The following CSMD2 variants were observed in gnomAD, a reference collection of about 807,000 sequenced individuals.
CSMD2 encodes CUB and sushi domain-containing protein 2.
In CSMD2, 130 loss-of-function variants were observed where a neutral mutation model predicts 398.5. That is an observed-to-expected ratio of 0.33 (90% CI 0.28 to 0.38). The LOEUF (loss-of-function observed/expected upper bound fraction) is 0.38, where lower values mean the gene tolerates loss of function less well. Among genes scored for constraint, CSMD2 ranks in the 10% least tolerant of loss-of-function variants. The pLI is 1.00. For synonymous variants in CSMD2, 1,828 were observed against 1,908.5 expected, an observed-to-expected ratio of 0.96 and a Z score of 1.10; for missense variants, 3,829 against 4,764.9, an observed-to-expected ratio of 0.80 and a Z score of 5.78.
chr1:33,901,592 G>A (rs578135616), intron 5 of CSMD2, among the ~76,000 whole-genome samples: 4 of 152,206 alleles, frequency 2.6e-5, no homozygotes, highest in African/African-American at 9.6e-5. Context: ...TTTCAGGAGG[G>A]AGACCCTTGC....
At chr1:34,109,667 C>A (rs1252928636) in intron 1 of CSMD2, among the ~76,000 whole-genome samples, 1 of 151,240 alleles carries the variant, frequency 6.6e-6, no homozygotes, top group Non-Finnish European at 1.5e-5. Flanking sequence ...CTGTAAGGAA[C>A]TTAAACAAAT....
At chr1:33,898,768 C>G (rs1377370210) in intron 5 of CSMD2, among the ~76,000 whole-genome samples, 1 of 152,164 alleles carries the variant, frequency 6.6e-6, no homozygotes, top group African/African-American at 2.4e-5. Context: ...GGAAGCTTGG[C>G]AACTGTGAAG....
chr1:34,083,083 A>T (rs1301278837), intron 2 of CSMD2, among the ~76,000 whole-genome samples: 2 of 126,402 alleles, frequency 1.6e-5, no homozygotes, highest in Admixed American at 7.4e-5. Context: ...AAAAAAATTA[A>T]AAAAAAAAAA....
At chr1:33,632,266 T>C (rs1642507165) in intron 32 of CSMD2, among the ~76,000 whole-genome samples, 1 of 152,018 alleles carries the variant, frequency 6.6e-6, no homozygotes, top group African/African-American at 2.4e-5. Flanking sequence ...TAAGAAAACA[T>C]TGATAGATTT....
chr1:34,144,877 G>A (rs1639623854), intron 1 of CSMD2, among the ~76,000 whole-genome samples: 1 of 152,210 alleles, frequency 6.6e-6, no homozygotes, highest in Non-Finnish European at 1.5e-5. Context: ...AACAGAAACT[G>A]CATTTAACCG....
intron 5 of CSMD2, among the ~76,000 whole-genome samples, chr1:33,891,942 T>C (rs1351572052): frequency 6.7e-6 from 1 of 148,500 alleles, no homozygotes; most frequent in Non-Finnish European, 1.5e-5. Context: ...GAGATATACC[T>C]AATGCTAAAT....
intron 5 of CSMD2, among the ~76,000 whole-genome samples, chr1:33,898,271 C>G (rs954127645): frequency 6.6e-6 from 1 of 152,074 alleles, no homozygotes; most frequent in Non-Finnish European, 1.5e-5. Context: ...TGCCAGACTC[C>G]GAAGAGATAA....
chr1:34,158,958 T>C lies in CSMD2; in HGVS notation c.187+5953A>G, dbSNP rs894767020. On this transcript the variant is annotated intron_variant, in intron 1 of 70. Transcript: ENST00000373381. Reference sequence around the variant, plus strand: ...TTGTGCAGATGGGCCTGGGGCTGCCTCCTACTTGAAGATGCCCCTTAACCC... The same window carrying C: ...TTGTGCAGATGGGCCTGGGGCTGCCCCCTACTTGAAGATGCCCCTTAACCC... Among the ~76,000 whole-genome samples the C allele has an allele frequency of 2.6e-5, 4 of 152,298 alleles. No homozygotes were observed. In the South Asian group the frequency reaches 8.3e-4, roughly 32 times the overall value.
intron 3 of CSMD2, among the ~76,000 whole-genome samples, chr1:33,979,479 G>A (rs1646088540): frequency 6.6e-6 from 1 of 152,150 alleles, no homozygotes; most frequent in Non-Finnish European, 1.5e-5. Flanking sequence ...GTATCCAAGG[G>A]CACTACAGGC....
At chr1:34,155,306 C>T (rs913880949) in intron 1 of CSMD2, among the ~76,000 whole-genome samples, 4 of 152,304 alleles carry the variant, frequency 2.6e-5, no homozygotes, top group Admixed American at 2.0e-4. Flanking sequence ...TGTCTTCTTT[C>T]CATGTTCCTT....
At chr1:33,704,090 C>T (rs1222017622) in intron 22 of CSMD2, among the ~76,000 whole-genome samples, 1 of 152,042 alleles carries the variant, frequency 6.6e-6, no homozygotes, top group Non-Finnish European at 1.5e-5. Context: ...TAAGATCATG[C>T]ACATTTTGGA....
chr1:33,582,658 T>A (rs1294805902), intron 47 of CSMD2, among the ~76,000 whole-genome samples: 1 of 152,224 alleles, frequency 6.6e-6, no homozygotes, highest in Non-Finnish European at 1.5e-5. Context: ...ATACAGGATG[T>A]TAATTGATGC....
intron 7 of CSMD2, among the ~76,000 whole-genome samples, chr1:33,823,579 G>A (rs1432549108): frequency 3.3e-5 from 5 of 152,114 alleles, no homozygotes; most frequent in Non-Finnish European, 5.9e-5. Context: ...TCTACCCAAC[G>A]CAGGGAGTCA....
chr1:34,098,018 G>C, intron 1 of CSMD2, among the ~76,000 whole-genome samples: 1 of 97,838 alleles, frequency 1.0e-5, no homozygotes, highest in African/African-American at 4.3e-5. Context: ...CAACCCAAAT[G>C]TCCAACAATG....
intron 1 of CSMD2, among the ~76,000 whole-genome samples, chr1:34,091,712 GT>G (rs1658585376): frequency 6.6e-6 from 1 of 152,150 alleles, no homozygotes; most frequent in Admixed American, 6.5e-5. Context: ...AATTAGGCAT[GT>G]AACCCTGATT....
chr1:33,813,616 T>A (rs563590975), intron 9 of CSMD2, among the ~76,000 whole-genome samples: 16 of 120,600 alleles, frequency 1.3e-4, no homozygotes, highest in African/African-American at 7.5e-4. Context: ...CTGGACATTA[T>A]CATATAATGG....
chr1:33,955,490 C>T (rs747650035), intron 3 of CSMD2, among the ~76,000 whole-genome samples: 27 of 152,078 alleles, frequency 1.8e-4, no homozygotes, highest in Non-Finnish European at 2.6e-4. Flanking sequence ...TCATTTAACC[C>T]GGGTCATTAC....
intron 2 of CSMD2, among the ~76,000 whole-genome samples, chr1:34,060,665 T>C (rs898937536): frequency 1.2e-4 from 18 of 149,074 alleles, no homozygotes; most frequent in African/African-American, 4.2e-4. Flanking sequence ...TTTTTTTTTT[T>C]CTTCTCTCTT....
At chr1:33,644,351 A>G (rs117130861) in intron 29 of CSMD2, among the ~76,000 whole-genome samples, 1 of 152,320 alleles carries the variant, frequency 6.6e-6, no homozygotes, top group East Asian at 1.9e-4. Context: ...TTTCTACCCA[A>G]TAGCTTACTG....
Sources: gnomAD v4.1 joint callset for allele counts (sites outside exome capture counted in the v4.1 genomes callset) on GRCh38, gnomAD v4.1.1 for gene constraint, MANE v1.5 for transcripts, NCBI Gene and HGNC (gene_info 2026-07-23, HGNC 2026-07-21) for gene names.